Variants in ASIC2 observed in about 807,000 individuals in gnomAD.
ASIC2 encodes acid-sensing ion channel 2.
In ASIC2, 25 loss-of-function variants were observed where a neutral mutation model predicts 57.3. The observed-to-expected ratio is 0.44, with a 90% confidence interval of 0.32 to 0.61. The LOEUF is 0.61. Among genes scored for constraint, ASIC2 ranks in the 20% least tolerant of loss-of-function variants. ASIC2 has a pLI of 0.06. For missense variants in ASIC2, 641 were observed against 738.1 expected (o/e 0.87, Z 1.52); for synonymous variants, 319 against 307.5 (o/e 1.04, Z -0.39).
At chr17:33,739,596 G>C (rs1331493261) in intron 1 of ASIC2, among the ~76,000 whole-genome samples, 2 of 152,228 alleles carry the variant, frequency 1.3e-5, no homozygotes, top group Non-Finnish European at 2.9e-5. Context: ...CTTCAGCACA[G>C]GTGTCTGAAT....
chr17:33,645,663 T>C (rs1906717106), intron 1 of ASIC2, among the ~76,000 whole-genome samples: 2 of 152,200 alleles, frequency 1.3e-5, no homozygotes, highest in Non-Finnish European at 2.9e-5. Context: ...TGACACCTGG[T>C]ATCTGACCTT....
intron 1 of ASIC2, among the ~76,000 whole-genome samples, chr17:33,610,443 C>G (rs973171920): frequency 1.3e-5 from 2 of 152,182 alleles, no homozygotes; most frequent in African/African-American, 4.8e-5. Context: ...AAGCGTGAGG[C>G]ACCACACCCC....
intron 1 of ASIC2, among the ~76,000 whole-genome samples, chr17:33,421,789 T>C (rs1260789550): frequency 4.6e-5 from 7 of 152,172 alleles, no homozygotes; most frequent in Non-Finnish European, 1.0e-4. Context: ...TGGAAAGCCA[T>C]TGCCTTCAGT....
chr17:33,867,387 T>C (rs1047979281), intron 1 of ASIC2, among the ~76,000 whole-genome samples: 17 of 152,228 alleles, frequency 1.1e-4, no homozygotes, highest in Non-Finnish European at 2.2e-4. Flanking sequence ...ATATATTTAT[T>C]ATTCTTCCCT....
chr17:33,803,782 G>A (rs924897623), intron 1 of ASIC2, among the ~76,000 whole-genome samples: 1 of 152,006 alleles, frequency 6.6e-6, no homozygotes. Context: ...TAAAGGCTTG[G>A]AAACTCCAGA....
At chr17:33,931,444 G>A (rs1472924159) in intron 1 of ASIC2, 4 of 152,146 alleles carry the variant, frequency 2.6e-5, no homozygotes, top group African/African-American at 7.2e-5. Context: ...ATGCAGCGCC[G>A]GGCTGTCTGA....
At chr17:33,124,299 CAG>C (rs1351817517) in intron 1 of ASIC2, among the ~76,000 whole-genome samples, 1 of 152,186 alleles carries the variant, frequency 6.6e-6, no homozygotes, top group Non-Finnish European at 1.5e-5. Flanking sequence ...TTCACAAATG[CAG>C]AGAGTTTTCT....
intron 1 of ASIC2, among the ~76,000 whole-genome samples, chr17:33,210,105 G>T (rs1310677905): frequency 1.3e-5 from 2 of 152,130 alleles, no homozygotes; most frequent in African/African-American, 4.8e-5. Context: ...AATTAACAAA[G>T]AAAGTTTCTG....
At chr17:33,286,484 A>G (rs910933730) in intron 1 of ASIC2, among the ~76,000 whole-genome samples, 5 of 152,168 alleles carry the variant, frequency 3.3e-5, no homozygotes, top group African/African-American at 1.2e-4. Context: ...ACATAATTGC[A>G]TCGTCACCCC....
intron 1 of ASIC2, among the ~76,000 whole-genome samples, chr17:33,817,787 G>T (rs1182887837): frequency 6.6e-6 from 1 of 152,194 alleles, no homozygotes; most frequent in Admixed American, 6.5e-5. Context: ...GCTCAGCAGG[G>T]ACAGCTCATT....
At position 33,625,129 on chromosome 17, in the gene ASIC2, G is replaced by GTCTATCTATCTA. The variant is rs199907150; in HGVS notation, c.556-513074_556-513063dup. ...TTATCAAAGACAATGTGGCCTCTCT[G>GTCTATCTATCTA]TCTATCTATCTATCTATCTATCTAT... On this transcript the variant is annotated intron_variant, in intron 1 of 9. Transcript: ENST00000359872. Among the ~76,000 whole-genome samples, 385 of 146,432 alleles carry GTCTATCTATCTA rather than the reference G, an allele frequency of 2.6e-3. 2 individuals carry two copies. Among genetic ancestry groups the GTCTATCTATCTA allele is most frequent in the African/African-American group, 3.5e-3 (141 of 40,098 alleles).
intron 1 of ASIC2, among the ~76,000 whole-genome samples, chr17:33,435,645 G>T (rs917751938): frequency 1.3e-5 from 2 of 152,136 alleles, no homozygotes; most frequent in African/African-American, 4.8e-5. Context: ...TTTCCTGTAT[G>T]AATGATAGGG....
chr17:33,210,193 T>A (rs1907218408), intron 1 of ASIC2, among the ~76,000 whole-genome samples: 1 of 152,168 alleles, frequency 6.6e-6, no homozygotes, highest in East Asian at 1.9e-4. Flanking sequence ...TAGGCAACAT[T>A]ACTCTGCATA....
intron 3 of ASIC2, among the ~76,000 whole-genome samples, chr17:33,074,929 A>T (rs2092083492): frequency 6.6e-6 from 1 of 152,166 alleles, no homozygotes; most frequent in Non-Finnish European, 1.5e-5. Context: ...GCATGCAAAG[A>T]TGGATGTTAC....
At chr17:33,326,869 T>A (rs957548958) in intron 1 of ASIC2, among the ~76,000 whole-genome samples, 90 of 152,218 alleles carry the variant, frequency 5.9e-4, no homozygotes, top group African/African-American at 2.0e-3. Flanking sequence ...ACAACACTGC[T>A]CAGTGTAGAT....
chr17:33,181,590 G>A (rs1187860800), intron 1 of ASIC2, among the ~76,000 whole-genome samples: 1 of 152,130 alleles, frequency 6.6e-6, no homozygotes, highest in Non-Finnish European at 1.5e-5. Flanking sequence ...TCTGATCTTT[G>A]CTTCTGTGGC....
intron 1 of ASIC2, among the ~76,000 whole-genome samples, chr17:33,340,300 G>A: frequency 6.6e-6 from 1 of 152,124 alleles, no homozygotes; most frequent in East Asian, 1.9e-4. Context: ...GGGAGTGGGA[G>A]CATGATGAGA....
At chr17:33,855,304 T>C (rs1913892587) in intron 1 of ASIC2, among the ~76,000 whole-genome samples, 1 of 152,210 alleles carries the variant, frequency 6.6e-6, no homozygotes, top group African/African-American at 2.4e-5. Context: ...AGCAGTGCCT[T>C]GTGGTGGGGA....
intron 1 of ASIC2, among the ~76,000 whole-genome samples, chr17:33,187,165 C>T (rs924889352): frequency 4.6e-5 from 7 of 152,212 alleles, no homozygotes; most frequent in South Asian, 2.1e-4. Flanking sequence ...GCAAAAACTG[C>T]AATACCTGCA....
Sources: gnomAD v4.1 joint callset for allele counts (sites outside exome capture counted in the v4.1 genomes callset) on GRCh38, gnomAD v4.1.1 for gene constraint, MANE v1.5 for transcripts, NCBI Gene and HGNC (gene_info 2026-07-23, HGNC 2026-07-21) for gene names.